The following MAST4 variants were observed in gnomAD, a reference collection of about 807,000 sequenced individuals.
The protein encoded by MAST4 is microtubule-associated serine/threonine-protein kinase 4.
A neutral mutation model predicts 162.7 loss-of-function variants in MAST4; 89 were observed. The ratio of observed to expected loss-of-function variants is 0.55; its 90% confidence interval spans 0.46 to 0.65. The LOEUF is 0.65. Among genes scored for constraint, MAST4 ranks in the 30% least tolerant of loss-of-function variants. The pLI, the probability that MAST4 is intolerant of heterozygous loss-of-function variation, is 0.00. For missense variants in MAST4, 3,153 were observed against 3,374.0 expected, an observed-to-expected ratio of 0.93 and a Z score of 1.62; for synonymous variants, 1,479 against 1,361.1, an observed-to-expected ratio of 1.09 and a Z score of -1.91.
chr5:67,165,120 G>C lies in MAST4; in HGVS notation c.5941G>C (p.Ala1981Pro). 6.3e-7 allele frequency: 1 copy of C among 1,589,078 alleles called. No homozygotes were observed. The highest frequency in any genetic ancestry group is 1.8e-5 in the Admixed American group (1 of 55,640). Residue 1981 changes from alanine (A) to proline (P), a missense_variant, in exon 29 of 29, where the codon GCC (alanine) becomes CCC (proline). By Grantham distance (27) the Ala-to-Pro change is conservative. This residue lies in a region of MAST4 where 1,644 missense variants were observed against 1,495.0 expected (regional missense o/e 1.10). Transcript: ENST00000403625. ...ATCGTCTGAAAGAGGCCCTCCCACA[G>C]CCAGAAGCGAGCGCTCTGCTGCGAG... is the stretch of plus-strand genomic sequence containing the variant. ...RESSERGPPTARSERSAARAD... is the reference protein window; with the variant it reads ...RESSERGPPTPRSERSAARAD...
At chr5:67,153,220 T>C (rs906158998) in intron 25 of MAST4, among the ~76,000 whole-genome samples, 7 of 151,564 alleles carry the variant, frequency 4.6e-5, no homozygotes, top group Non-Finnish European at 8.8e-5. Context: ...TGGTCATTCA[T>C]TTTTTTTTCT....
intron 3 of MAST4, among the ~76,000 whole-genome samples, chr5:66,843,873 T>C (rs1423802375): frequency 6.6e-6 from 1 of 152,114 alleles, no homozygotes; most frequent in African/African-American, 2.4e-5. Context: ...GTAATGGAAT[T>C]GGACCCTCTT....
chr5:66,981,205 T>C (rs577814395), intron 4 of MAST4, among the ~76,000 whole-genome samples: 1 of 148,164 alleles, frequency 6.7e-6, no homozygotes, highest in Non-Finnish European at 1.5e-5. Flanking sequence ...GGATTTTTTT[T>C]GCAAAATGTT....
At chr5:66,673,756 G>A (rs1747776736) in intron 1 of MAST4, among the ~76,000 whole-genome samples, 2 of 152,176 alleles carry the variant, frequency 1.3e-5, no homozygotes. Context: ...CCAGAGTGCT[G>A]GGATTATAGG....
rs555163083 is a variant in MAST4, at chr5:67,163,134, T to C, written c.3968-13T>C. The C allele has an allele frequency of 1.3e-6, 2 of 1,590,398 alleles. No individual in the cohort carries two copies. Among genetic ancestry groups the C allele is most frequent in the Middle Eastern group, 1.7e-4 (1 of 5,936 alleles). On this transcript the variant is annotated splice_polypyrimidine_tract_variant and intron_variant, in intron 28 of 28. Coordinates refer to ENST00000403625, the MANE Select transcript of MAST4 (RefSeq NM_001164664.2). The surrounding 1 kb of genome is among the most constrained non-coding windows in gnomAD (Gnocchi z 7.0). ...ACCATGGATGCTCACAGCCTTCTGT[T>C]TTCCATCCACAGGTACTAATTCCTC...
At chr5:67,064,741 C>A (rs1043752257) in intron 5 of MAST4, among the ~76,000 whole-genome samples, 9 of 152,108 alleles carry the variant, frequency 5.9e-5, no homozygotes, top group Admixed American at 5.9e-4. Flanking sequence ...CAGTGCTTCA[C>A]CTAAAGCAAG....
At chr5:66,597,505 T>G (rs1045094658) in intron 1 of MAST4, among the ~76,000 whole-genome samples, 1 of 150,852 alleles carries the variant, frequency 6.6e-6, no homozygotes, top group Non-Finnish European at 1.5e-5. Context: ...GAGGTTTCAG[T>G]GGCGCCAGCC....
At chr5:67,108,240 GT>G (rs1765812789) in intron 10 of MAST4, among the ~76,000 whole-genome samples, 1 of 152,138 alleles carries the variant, frequency 6.6e-6, no homozygotes, top group African/African-American at 2.4e-5. Flanking sequence ...TCCAAAATGT[GT>G]TTAGGCTTTT....
intron 1 of MAST4, among the ~76,000 whole-genome samples, chr5:66,670,932 G>C (rs1355509886): frequency 1.3e-5 from 2 of 152,116 alleles, no homozygotes; most frequent in Admixed American, 1.3e-4. Flanking sequence ...AATTTGGAAA[G>C]ATAAATCATT....
intron 4 of MAST4, among the ~76,000 whole-genome samples, chr5:66,975,725 G>A (rs1249127569): frequency 1.3e-5 from 2 of 152,198 alleles, no homozygotes; most frequent in African/African-American, 4.8e-5. Context: ...CGGGCACGGT[G>A]GCTCATGCCT....
chr5:66,796,275 G>A (rs1407858276), intron 3 of MAST4, among the ~76,000 whole-genome samples: 2 of 152,226 alleles, frequency 1.3e-5, no homozygotes, highest in Non-Finnish European at 2.9e-5. Context: ...GGCATGTGAA[G>A]GGTATTGCGA....
chr5:67,054,393 CT>C lies in MAST4; in HGVS notation c.675-6del. 6.3e-7 allele frequency: 1 copy of C among 1,590,096 alleles called. No individual in the cohort carries two copies. The highest frequency in any genetic ancestry group is 1.2e-5 in the South Asian group (1 of 86,468). On this transcript the variant is annotated splice_polypyrimidine_tract_variant and intron_variant, in intron 4 of 28. Transcript: ENST00000403625. ...TCTTTTTAAACTTTGTTTTTTCTTT[CT>C]TTTTGATAGTTGCCGAACAAGCAAC...
intron 26 of MAST4, 90 bp downstream of exon 26, chr5:67,153,670 C>T: frequency 8.2e-7 from 1 of 1,222,206 alleles, no homozygotes; most frequent in Non-Finnish European, 1.1e-6. Flanking sequence ...GTGTCACACC[C>T]ATGTCTGATT....
intron 1 of MAST4, among the ~76,000 whole-genome samples, chr5:66,758,097 C>T (rs1167609941): frequency 6.6e-6 from 1 of 151,708 alleles, no homozygotes; most frequent in Non-Finnish European, 1.5e-5. Context: ...CTCTGGAGTC[C>T]CTTTTTCCTA....
intron 2 of MAST4, among the ~76,000 whole-genome samples, chr5:66,771,600 C>A (rs767873131): frequency 2.9e-4 from 44 of 152,288 alleles, no homozygotes; most frequent in South Asian, 1.0e-3. Context: ...TTCCTCCCCC[C>A]ACTCCCCTGC....
chr5:67,165,863 C>T lies in MAST4; in HGVS notation c.6684C>T (p.Ala2228=). ...GGGCCACAAAGGGCAAAGAGCCTGC[C>T]ACTCAGTCCCTCGGTGGCTCTAGCA... ...SVGATKGKEP[A]TQSLGGSSRE... Residue 2228 remains alanine (A), a synonymous_variant, in exon 29 of 29, where the codon GCC becomes GCT. Transcript: ENST00000403625. 6.2e-7 allele frequency: 1 copy of T among 1,613,350 alleles called. No homozygotes were observed. The highest frequency in any genetic ancestry group is 8.5e-7 in the Non-Finnish European group (1 of 1,179,898).
chr5:66,904,332 T>A (rs1378620198), intron 4 of MAST4, among the ~76,000 whole-genome samples: 4 of 152,180 alleles, frequency 2.6e-5, no homozygotes, highest in Non-Finnish European at 5.9e-5. Context: ...GGCTTCTTTT[T>A]TCATGGAATT....
chr5:66,844,728 A>G (rs1333230202), intron 3 of MAST4, among the ~76,000 whole-genome samples: 2 of 152,082 alleles, frequency 1.3e-5, no homozygotes, highest in Non-Finnish European at 2.9e-5. Flanking sequence ...CAAGAAAGGG[A>G]TAAGTAGATG....
At chr5:67,088,555 A>G (rs897629497) in intron 5 of MAST4, among the ~76,000 whole-genome samples, 7 of 152,210 alleles carry the variant, frequency 4.6e-5, no homozygotes, top group African/African-American at 7.2e-5. Flanking sequence ...TATACAAGCT[A>G]AATTAGGGGT....
Sources: gnomAD v4.1 joint callset for allele counts (sites outside exome capture counted in the v4.1 genomes callset) on GRCh38, gnomAD v4.1.1 for gene constraint, gnomAD v4.1.1 regional missense constraint, Gnocchi (gnomAD v3.1) non-coding constraint, MANE v1.5 for transcripts, NCBI Gene and HGNC (gene_info 2026-07-23, HGNC 2026-07-21) for gene names.